The following NDRG3 variants were observed in gnomAD, a reference collection of about 807,000 sequenced individuals.
NDRG3 encodes NDRG family member 3, also known as protein NDRG3.
Under a neutral mutation model 57.2 loss-of-function variants are expected in NDRG3, and 23 were observed. That is an observed-to-expected ratio of 0.40 (90% CI 0.29 to 0.57). The LOEUF is 0.57. Among genes scored for constraint, NDRG3 ranks in the 20% least tolerant of loss-of-function variants. The probability of loss-of-function intolerance (pLI) is 0.42; values close to 1 mark genes in which losing one functional copy is unlikely to be tolerated. For missense variants in NDRG3, 384 were observed against 457.3 expected (o/e 0.84, Z 1.46); for synonymous variants, 132 against 162.6 (o/e 0.81, Z 1.43).
intron 12 of NDRG3, among the ~76,000 whole-genome samples, chr20:36,661,316 A>AGGGATCTC (rs1165280609): frequency 6.6e-6 from 1 of 152,236 alleles, no homozygotes; most frequent in Non-Finnish European, 1.5e-5. Context: ...TCATGAAGGC[A>AGGGATCTC]GGGATCTCAA....
chr20:36,677,574 G>A (rs770671971), intron 8 of NDRG3, among the ~76,000 whole-genome samples: 8 of 152,322 alleles, frequency 5.3e-5, no homozygotes, highest in East Asian at 1.9e-4. Context: ...TCCACTGAGC[G>A]CTTCAGGGAC....
intron 2 of NDRG3, among the ~76,000 whole-genome samples, chr20:36,717,747 A>G (rs1984359176): frequency 6.6e-6 from 1 of 152,200 alleles, no homozygotes; most frequent in Admixed American, 6.6e-5. Flanking sequence ...CAAGCCATCT[A>G]CTTCTATGCA....
chr20:36,660,564 ATTTATTTT>A (rs1430189310), intron 12 of NDRG3, among the ~76,000 whole-genome samples, 180 bp from the exon 13 acceptor site: 3 of 148,276 alleles, frequency 2.0e-5, no homozygotes, highest in Non-Finnish European at 4.5e-5. Context: ...TTATTTATTT[ATTTATTTT>A]TTTTTTGAGA....
intron 2 of NDRG3, among the ~76,000 whole-genome samples, chr20:36,714,065 T>C (rs1336148322): frequency 6.6e-6 from 1 of 152,108 alleles, no homozygotes; most frequent in East Asian, 1.9e-4. Flanking sequence ...AAGATTCATA[T>C]AATCAACTAG....
At chr20:36,723,381 C>A (rs1984715149) in intron 1 of NDRG3, among the ~76,000 whole-genome samples, 2 of 152,110 alleles carry the variant, frequency 1.3e-5, no homozygotes, top group African/African-American at 4.8e-5. Flanking sequence ...TGATTCCCAC[C>A]TAGACTTCAA....
intron 5 of NDRG3, among the ~76,000 whole-genome samples, chr20:36,684,721 T>C (rs1600894971): frequency 1.3e-5 from 2 of 152,040 alleles, no homozygotes; most frequent in Non-Finnish European, 2.9e-5. Flanking sequence ...TGGTAGCACA[T>C]GCCTGTAATC....
intron 1 of NDRG3, among the ~76,000 whole-genome samples, chr20:36,742,020 T>G (rs1985951460): frequency 6.6e-6 from 1 of 152,220 alleles, no homozygotes; most frequent in Non-Finnish European, 1.5e-5. Context: ...CCTGTCCTTT[T>G]GATTAATTCT....
intron 3 of NDRG3, among the ~76,000 whole-genome samples, chr20:36,703,988 G>C (rs1320768809): frequency 6.6e-6 from 1 of 152,052 alleles, no homozygotes; most frequent in Non-Finnish European, 1.5e-5. Flanking sequence ...TAGTGAAATA[G>C]CAGGTGATTT....
intron 1 of NDRG3, among the ~76,000 whole-genome samples, chr20:36,739,515 T>C (rs1256825195): frequency 3.6e-5 from 5 of 138,778 alleles, no homozygotes; most frequent in South Asian, 2.3e-4. Context: ...CTTAAAAATA[T>C]AGAAGCACTG....
At chr20:36,693,829 G>C (rs1982546954) in intron 3 of NDRG3, among the ~76,000 whole-genome samples, 1 of 151,466 alleles carries the variant, frequency 6.6e-6, no homozygotes, top group African/African-American at 2.4e-5. Flanking sequence ...TCTACATTAT[G>C]GTGAGTTGCA....
chr20:36,653,525 A>G lies in NDRG3; in HGVS notation c.1123T>C (p.Cys375Arg). Residue 375 changes from cysteine (C) to arginine (R), a missense_variant, in exon 16 of 16, where the codon TGC becomes CGC. Transcript: ENST00000349004. This position sits in a 1 kb window ranked among gnomAD's most constrained non-coding sequence, Gnocchi z 4.2. Reference protein sequence around the residue: ...LDRHQTMEVSC With the variant: ...LDRHQTMEVSR The stretch of plus-strand genomic sequence containing the variant: ...TCCAGGGGAGGAGCATCTGCTTAGC[A>G]GGACACCTCCATGGTCTGGTGTCTG... 1 of 1,613,732 alleles carries G rather than the reference A, an allele frequency of 6.2e-7. No homozygotes were observed. Among genetic ancestry groups the G allele is most frequent in the Non-Finnish European group, 8.5e-7 (1 of 1,179,696 alleles).
chr20:36,742,974 C>T lies in NDRG3; in HGVS notation c.-49+3071G>A, dbSNP rs182379418. Among the ~76,000 whole-genome samples the T allele has an allele frequency of 1.1e-3, 162 of 152,250 alleles. 1 individual carries two copies. The highest frequency in any genetic ancestry group is 5.8e-4 in the East Asian group (3 of 5,190). On this transcript the variant is annotated intron_variant, in intron 1 of 15. Transcript: ENST00000349004. ...ATTATAAATACCATGTAATGATATA[C>T]AGTAAAAATTGTGATTACTTTGATA...
At chr20:36,734,678 T>C (rs1220186598) in intron 1 of NDRG3, among the ~76,000 whole-genome samples, 1 of 151,998 alleles carries the variant, frequency 6.6e-6, no homozygotes, top group Non-Finnish European at 1.5e-5. Flanking sequence ...GGCCAGATGA[T>C]TTTTTGTTGT....
intron 8 of NDRG3, among the ~76,000 whole-genome samples, chr20:36,672,428 C>T (rs1980250930): frequency 6.6e-6 from 1 of 152,132 alleles, no homozygotes; most frequent in Non-Finnish European, 1.5e-5. Context: ...CTGAGGGAGA[C>T]AGACATGGCT....
At chr20:36,704,002 T>C (rs905181118) in intron 3 of NDRG3, among the ~76,000 whole-genome samples, 2 of 152,182 alleles carry the variant, frequency 1.3e-5, no homozygotes, top group Non-Finnish European at 2.9e-5. Flanking sequence ...GTGATTTTTA[T>C]TTATTTACTT....
intron 2 of NDRG3, among the ~76,000 whole-genome samples, chr20:36,720,182 C>CT (rs1232766693): frequency 5.6e-4 from 84 of 150,794 alleles, no homozygotes; most frequent in Non-Finnish European, 1.1e-3. Context: ...AACTTCTTTT[C>CT]TTTTTTTTGA....
chr20:36,722,906 T>C (rs1054468729), intron 1 of NDRG3, among the ~76,000 whole-genome samples: 9 of 152,202 alleles, frequency 5.9e-5, no homozygotes, highest in African/African-American at 1.9e-4. Context: ...TTCAAGACAC[T>C]ATAAACTACT....
rs1038783645 is a variant in NDRG3, at chr20:36,652,625, A to T, written c.*895T>A. On this transcript the variant is annotated 3_prime_UTR_variant, in exon 16 of 16. Transcript: ENST00000349004. Reference sequence around the variant, plus strand: ...AATGGAGACACACTCTCTGTCACAGACCTAAGAGGCACTTCTTGTGGATAT... The same window carrying T: ...AATGGAGACACACTCTCTGTCACAGTCCTAAGAGGCACTTCTTGTGGATAT... The T allele has an allele frequency of 2.0e-5, 3 of 151,806 alleles. No homozygotes were observed. The highest frequency in any genetic ancestry group is 7.3e-5 in the African/African-American group (3 of 41,282). 9.4% of individuals were successfully genotyped at this position (151,806 alleles called of 1,614,324 possible).
intron 3 of NDRG3, among the ~76,000 whole-genome samples, chr20:36,699,978 G>A (rs1211320074): frequency 1.3e-5 from 2 of 151,874 alleles, no homozygotes; most frequent in Non-Finnish European, 2.9e-5. Flanking sequence ...AAATTAGCCA[G>A]GCGCGGAGGC....
Sources: gnomAD v4.1 joint callset for allele counts (sites outside exome capture counted in the v4.1 genomes callset) on GRCh38, gnomAD v4.1.1 for gene constraint, Gnocchi (gnomAD v3.1) non-coding constraint, MANE v1.5 for transcripts, NCBI Gene and HGNC (gene_info 2026-07-23, HGNC 2026-07-21) for gene names.